Variants in FGD5 observed in about 807,000 individuals in gnomAD.
FGD5 encodes the protein FYVE, RhoGEF and PH domain-containing protein 5.
A neutral mutation model predicts 133.4 loss-of-function variants in FGD5; 28 were observed. The ratio of observed to expected loss-of-function variants is 0.21; its 90% CI spans 0.16 to 0.29. FGD5 has a LOEUF of 0.29. FGD5 is among the 10% of genes least tolerant of loss of function. The pLI, the probability that FGD5 is intolerant of heterozygous loss-of-function variation, is 1.00. For synonymous variants in FGD5, 810 were observed against 776.5 expected (o/e 1.04, Z -0.72); for missense variants, 1,858 against 1,895.2 (o/e 0.98, Z 0.36).
chr3:14,844,243 T>A (rs1229063237), intron 1 of FGD5, among the ~76,000 whole-genome samples: 527 of 47,188 alleles, frequency 0.011, 54 homozygotes, highest in African/African-American at 0.038. Flanking sequence ...TATATATATA[T>A]ATATATATAT....
chr3:14,859,860 G>T (rs1001577018), intron 1 of FGD5, among the ~76,000 whole-genome samples: 6 of 150,610 alleles, frequency 4.0e-5, no homozygotes, highest in Admixed American at 2.7e-4. Context: ...GTTCCATCTG[G>T]GTCCATTACA....
intron 2 of FGD5, among the ~76,000 whole-genome samples, chr3:14,872,063 T>C (rs2037620726): frequency 6.6e-6 from 1 of 152,228 alleles, no homozygotes; most frequent in African/African-American, 2.4e-5. Context: ...CACTTAAGTC[T>C]GAACTCTGGC....
At chr3:14,861,149 C>T (rs113615544) in intron 1 of FGD5, among the ~76,000 whole-genome samples, 5 of 152,194 alleles carry the variant, frequency 3.3e-5, no homozygotes, top group African/African-American at 7.2e-5. Flanking sequence ...GCAACGGCCA[C>T]GCTGAAGACG....
At chr3:14,857,986 C>T (rs556415644) in intron 1 of FGD5, among the ~76,000 whole-genome samples, 14 of 151,670 alleles carry the variant, frequency 9.2e-5, no homozygotes, top group Non-Finnish European at 1.2e-4. Flanking sequence ...TGAAGTGGCA[C>T]AGCTGGGATT....
chr3:14,927,151 C>T (rs1195635591), intron 18 of FGD5, among the ~76,000 whole-genome samples: 1 of 152,234 alleles, frequency 6.6e-6, no homozygotes. Flanking sequence ...CTAAGCAAAG[C>T]AGGCAGACAG....
chr3:14,926,275 C>T, intron 18 of FGD5, 77 bp downstream of exon 18: 2 of 1,572,684 alleles, frequency 1.3e-6, no homozygotes, highest in Admixed American at 1.7e-5. Flanking sequence ...CATCCTGTCA[C>T]TTGCAAAGCT....
rs771303489 is a variant in FGD5 at position 14,898,008 on chromosome 3, C to G, written c.2979C>G (p.His993Gln). ...REQGFDHHAT[H>Q]ILQFDRYLGL... The stretch of plus-strand genomic sequence containing the variant: ...AGGGGTTTGATCACCACGCCACTCA[C>G]ATCCTGCAGTTCGACAGGTACCTAG... The change falls in exon 6 of 20, where the codon CAC (histidine) becomes CAG (glutamine). Residue 993 changes from histidine (H) to glutamine (Q), a missense_variant. Transcript: ENST00000285046. 1.2e-6 allele frequency: 2 copies of G among 1,614,002 alleles called. No homozygotes were observed. Among genetic ancestry groups the G allele is most frequent in the Non-Finnish European group, 1.7e-6 (2 of 1,179,886 alleles).
intron 1 of FGD5, among the ~76,000 whole-genome samples, chr3:14,861,406 G>A (rs538724843): frequency 2.6e-5 from 4 of 152,216 alleles, no homozygotes; most frequent in African/African-American, 9.6e-5. Context: ...TCTCATCTCC[G>A]CACTCCACTG....
At chr3:14,840,425 A>G (rs2036899068) in intron 1 of FGD5, among the ~76,000 whole-genome samples, 1 of 152,116 alleles carries the variant, frequency 6.6e-6, no homozygotes, top group South Asian at 2.1e-4. Flanking sequence ...GATTACAAGC[A>G]TGAGCCACCA....
chr3:14,905,933 T>C (rs1575247718), intron 9 of FGD5, among the ~76,000 whole-genome samples: 1 of 152,108 alleles, frequency 6.6e-6, no homozygotes, highest in African/African-American at 2.4e-5. Context: ...GGTAAGCCTC[T>C]TTTTTGGTCA....
intron 1 of FGD5, among the ~76,000 whole-genome samples, chr3:14,823,266 C>T (rs1399999232): frequency 2.0e-5 from 3 of 152,246 alleles, no homozygotes; most frequent in Admixed American, 6.5e-5. Context: ...GGTCAGAGAC[C>T]GCCCACCTCT....
intron 1 of FGD5, among the ~76,000 whole-genome samples, chr3:14,845,651 C>T (rs1301976377): frequency 1.3e-5 from 2 of 152,152 alleles, no homozygotes; most frequent in African/African-American, 4.8e-5. Flanking sequence ...ACCCTGGAGC[C>T]TGGTAACACT....
At chr3:14,859,933 T>C (rs1326436206) in intron 1 of FGD5, among the ~76,000 whole-genome samples, 19 of 152,246 alleles carry the variant, frequency 1.2e-4, no homozygotes, top group Admixed American at 1.2e-3. Context: ...TGTTTCCATG[T>C]CATTAAATAT....
intron 1 of FGD5, among the ~76,000 whole-genome samples, chr3:14,859,602 C>A (rs1001922994): frequency 1.3e-5 from 2 of 151,754 alleles, no homozygotes; most frequent in African/African-American, 2.4e-5. Context: ...TACCCTTACC[C>A]AAAAGAAAAG....
intron 2 of FGD5, among the ~76,000 whole-genome samples, chr3:14,876,219 G>A (rs2037716661): frequency 6.6e-6 from 1 of 152,176 alleles, no homozygotes; most frequent in South Asian, 2.1e-4. Context: ...TAATAATAAA[G>A]CGATGCTAAT....
In FGD5 at chr3:14,851,012, C is replaced by T. The variant is rs185725656; in HGVS notation, c.2526-13116C>T. On this transcript the variant is annotated intron_variant, in intron 1 of 19. Transcript: ENST00000285046. The stretch of plus-strand genomic sequence containing the variant: ...GACATAAAATAAAGCCACAGCGCGT[C>T]GTGGTGAGAAGGGCTTCTAGTTCTA... Among the ~76,000 whole-genome samples, 767 of 152,244 alleles carry T rather than the reference C, an allele frequency of 5.0e-3. 4 individuals carry two copies. The highest frequency in any genetic ancestry group is 8.7e-3 in the Non-Finnish European group (595 of 68,026).
intron 1 of FGD5, among the ~76,000 whole-genome samples, chr3:14,860,072 C>A (rs1575213708): frequency 6.6e-6 from 1 of 152,146 alleles, no homozygotes. Flanking sequence ...AGGAGGGGGT[C>A]AAGGGAGGAG....
intron 1 of FGD5, among the ~76,000 whole-genome samples, chr3:14,844,972 C>T (rs2037020671): frequency 6.6e-6 from 1 of 152,208 alleles, no homozygotes; most frequent in African/African-American, 2.4e-5. Context: ...AAGGAAGTCC[C>T]TATGCCTCGG....
chr3:14,838,645 A>T (rs2036862592), intron 1 of FGD5, among the ~76,000 whole-genome samples: 1 of 152,206 alleles, frequency 6.6e-6, no homozygotes, highest in South Asian at 2.1e-4. Context: ...CCATTATTTA[A>T]ATCCAGTATT....
Sources: gnomAD v4.1 joint callset for allele counts (sites outside exome capture counted in the v4.1 genomes callset) on GRCh38, gnomAD v4.1.1 for gene constraint, MANE v1.5 for transcripts, NCBI Gene and HGNC (gene_info 2026-07-23, HGNC 2026-07-21) for gene names.